Variants in IST1 observed in about 807,000 individuals in gnomAD.
IST1 encodes the protein IST1 homolog.
A neutral mutation model predicts 37.0 loss-of-function variants in IST1; 23 were observed. That is an observed-to-expected ratio of 0.62 (90% CI 0.45 to 0.88). IST1 has a LOEUF of 0.88. IST1 is among the 40% of genes least tolerant of loss of function. The probability of loss-of-function intolerance (pLI) is 0.00; values close to 1 mark genes in which losing one functional copy is unlikely to be tolerated. For synonymous variants in IST1, 180 were observed against 161.7 expected (o/e 1.11, Z -0.86); for missense variants, 488 against 445.4 (o/e 1.10, Z -0.86).
chr16:71,922,698 T>TGGATGTGTGC lies in IST1; in HGVS notation c.759+24_759+25insGTGCGGATGT. The TGGATGTGTGC allele has an allele frequency of 3.8e-6, 6 of 1,575,512 alleles. No homozygotes were observed. The highest frequency in any genetic ancestry group is 1.1e-5 in the South Asian group (1 of 88,756). The stretch of plus-strand genomic sequence containing the variant: ...AGGGACCAGTAAGTATATATAAGTG[T>TGGATGTGTGC]GGATGTAAGCTTTAGAAAATGTTAT... On this transcript the variant is annotated intron_variant, in intron 7 of 9. Coordinates refer to ENST00000378799, the MANE Select transcript of IST1 (RefSeq NM_001270975.2).
At chr16:71,925,358 CCAGGCTGGAGTGTGGTGGCA>C (rs1469882522) in intron 9 of IST1, among the ~76,000 whole-genome samples, 1 of 146,666 alleles carries the variant, frequency 6.8e-6, no homozygotes, top group Non-Finnish European at 1.5e-5. Context: ...GCTCTGTTGC[CCAGGCTGGAGTGTGGTGGCA>C]CAGTCTTGGC....
intron 9 of IST1, 112 bp from the exon 10 acceptor site, chr16:71,927,502 A>C: frequency 1.3e-6 from 1 of 776,622 alleles, no homozygotes; most frequent in Non-Finnish European, 2.1e-6. Flanking sequence ...AAAAAAAAAA[A>C]GTTTGTGAAC....
Position 71,920,919 on chromosome 16 carries a change from A to G in IST1, c.441+97A>G, listed in dbSNP as rs749480810. On this transcript the variant is annotated intron_variant, in intron 5 of 9. Coordinates refer to ENST00000378799, the MANE Select transcript of IST1 (RefSeq NM_001270975.2). The stretch of plus-strand genomic sequence containing the variant: ...AGTGGGTACCACTGTATTGCTCAGT[A>G]TGGGGTTTCACCTTTCATAGTGGGG... The G allele has an allele frequency of 5.6e-6, 5 of 892,842 alleles. No individual in the cohort carries two copies. The South Asian group carries it at 6.7e-5, about 12-fold the overall frequency. 55.3% of individuals were successfully genotyped at this position (892,842 alleles called of 1,614,324 possible).
At chr16:71,922,709 T>C in intron 7 of IST1, 29 bp downstream of exon 7, 4 of 924,912 alleles carry the variant, frequency 4.3e-6, no homozygotes, top group Non-Finnish European at 4.4e-6. Context: ...GGATGTAAGC[T>C]TTAGAAAATG....
At chr16:71,921,521 A>AAC (rs775380545) in intron 6 of IST1, 68 bp downstream of exon 6, 4 of 844,356 alleles carry the variant, frequency 4.7e-6, no homozygotes, top group East Asian at 2.7e-5. Context: ...AAACAAAAAA[A>AAC]ACATTCTTTG....
chr16:71,907,058 A>G (rs1030679112), intron 1 of IST1, among the ~76,000 whole-genome samples: 4 of 152,074 alleles, frequency 2.6e-5, no homozygotes, highest in African/African-American at 9.7e-5. Context: ...GGGTTTTAGC[A>G]GTTTGATTAT....
At chr16:71,899,418 A>G (rs1185811486) in intron 1 of IST1, among the ~76,000 whole-genome samples, 2 of 152,156 alleles carry the variant, frequency 1.3e-5, no homozygotes, top group Non-Finnish European at 2.9e-5. Flanking sequence ...ATCTCTGCTA[A>G]TAAAAATTTT....
At chr16:71,919,164 G>A (rs985756897) in intron 4 of IST1, among the ~76,000 whole-genome samples, 2 of 152,148 alleles carry the variant, frequency 1.3e-5, no homozygotes, top group African/African-American at 4.8e-5. Context: ...TTGCTCTTGT[G>A]ATAGAAACAA....
rs1195363715 is a variant in IST1, at chr16:71,930,463, G to A, written c.*2650G>A. 2 of 255,062 alleles carry A rather than the reference G, an allele frequency of 7.8e-6. No homozygotes were observed. The highest frequency in any genetic ancestry group is 2.9e-4 in the South Asian group (2 of 6,942). The allele number at this position is 255,062 out of a possible 1,614,324, so 15.8% of individuals were successfully genotyped here. On this transcript the variant is annotated 3_prime_UTR_variant, in exon 10 of 10. Coordinates refer to ENST00000378799, the MANE Select transcript of IST1 (RefSeq NM_001270975.2). Reference sequence around the variant, plus strand: ...TGGAAATGATTCAAATGTCACATGAGTTTTGGCAAAAAATACATCTAATCA... The same window carrying A: ...TGGAAATGATTCAAATGTCACATGAATTTTGGCAAAAAATACATCTAATCA...
At chr16:71,899,249 G>A (rs2037047943) in intron 1 of IST1, among the ~76,000 whole-genome samples, 1 of 152,034 alleles carries the variant, frequency 6.6e-6, no homozygotes, top group Non-Finnish European at 1.5e-5. Flanking sequence ...AAAATACACA[G>A]TGAACTTTGT....
intron 6 of IST1, chr16:71,921,654 T>C (rs992465712): frequency 3.9e-6 from 2 of 507,966 alleles, no homozygotes; most frequent in Non-Finnish European, 7.1e-6. Context: ...TTTGAGAAGG[T>C]CAAAACCTTG....
At chr16:71,920,688 C>T in intron 4 of IST1, 51 bp from the exon 5 acceptor site, 2 of 1,298,300 alleles carry the variant, frequency 1.5e-6, no homozygotes, top group East Asian at 2.3e-5. Context: ...AAGCTTAAAG[C>T]AGTCCGTTGG....
chr16:71,915,748 T>C lies in IST1; in HGVS notation c.88+20T>C, dbSNP rs781569644. 1.1e-4 allele frequency: 174 copies of C among 1,513,714 alleles called. No individual in the cohort carries two copies. The highest frequency in any genetic ancestry group is 2.6e-4 in the Admixed American group (15 of 58,374). 93.8% of individuals were successfully genotyped at this position (1,513,714 alleles called of 1,614,324 possible). A position where few individuals can be genotyped will look rare whatever the true frequency, so the allele number is the denominator to read the frequency against. On this transcript the variant is annotated intron_variant, in intron 2 of 9. Transcript: ENST00000378799. ...AGAAAAGTGAGTAGTGTACTTTTTTTCCCCAAAAATAAATCACTGGATACT... is the reference window on the plus strand; with the variant it reads ...AGAAAAGTGAGTAGTGTACTTTTTTCCCCCAAAAATAAATCACTGGATACT...
At chr16:71,900,327 CTTT>C (rs201344260) in intron 1 of IST1, among the ~76,000 whole-genome samples, 4 of 100,468 alleles carry the variant, frequency 4.0e-5, no homozygotes, top group African/African-American at 1.7e-4. Flanking sequence ...CTTAGGAAGT[CTTT>C]TTTTTTTTTT....
At position 71,900,790 on chromosome 16, in the gene IST1, C is replaced by T. The variant is rs114017630; in HGVS notation, c.-16+5201C>T. Reference sequence around the variant, plus strand: ...TATAGTTGTTTTTATGTCAGCTATACCCATTTGATTGTGAGCCCCTTGAAG... The same window carrying T: ...TATAGTTGTTTTTATGTCAGCTATATCCATTTGATTGTGAGCCCCTTGAAG... On this transcript the variant is annotated intron_variant, in intron 1 of 9. Coordinates refer to ENST00000378799, the MANE Select transcript of IST1 (RefSeq NM_001270975.2). Among the ~76,000 whole-genome samples, 890 of 152,082 alleles carry T rather than the reference C, an allele frequency of 5.9e-3. 10 individuals carry two copies. Among genetic ancestry groups the T allele is most frequent in the African/African-American group, 0.019 (787 of 41,448 alleles).
chr16:71,906,464 C>A (rs548813837), intron 1 of IST1, among the ~76,000 whole-genome samples: 12 of 151,736 alleles, frequency 7.9e-5, no homozygotes, highest in Non-Finnish European at 1.3e-4. Context: ...CCCGCCACCA[C>A]GCCCAGCTAA....
intron 9 of IST1, among the ~76,000 whole-genome samples, chr16:71,925,602 C>T (rs2037723416): frequency 6.6e-6 from 1 of 152,108 alleles, no homozygotes; most frequent in African/African-American, 2.4e-5. Flanking sequence ...GCATGAGCCA[C>T]CGTGCCCGGC....
rs2037788166 is a variant in IST1 at position 71,927,872 on chromosome 16, G to T, written c.*59G>T. ...AGTTGAGACTGAGCAATTTCTCCTT[G>T]TAACAAAGAATCTCCATGAAATTCT... On this transcript the variant is annotated 3_prime_UTR_variant, in exon 10 of 10. Transcript: ENST00000378799. The T allele has an allele frequency of 4.3e-6, 5 of 1,172,122 alleles. No individual in the cohort carries two copies. Among genetic ancestry groups the T allele is most frequent in the Non-Finnish European group, 6.3e-6 (5 of 789,826 alleles). The allele number at this position is 1,172,122 out of a possible 1,614,324, so 72.6% of individuals were successfully genotyped here.
chr16:71,923,825 A>T (rs972547508), intron 8 of IST1, among the ~76,000 whole-genome samples: 2 of 152,238 alleles, frequency 1.3e-5, no homozygotes, highest in African/African-American at 2.4e-5. Context: ...ATGTCGGCCG[A>T]CAGCATTGAT....
Sources: gnomAD v4.1 joint callset for allele counts (sites outside exome capture counted in the v4.1 genomes callset) on GRCh38, gnomAD v4.1.1 for gene constraint, MANE v1.5 for transcripts, NCBI Gene and HGNC (gene_info 2026-07-23, HGNC 2026-07-21) for gene names.